Variants in CD300E observed in about 807,000 individuals in gnomAD.
CD300E encodes the protein CMRF35-like molecule 2.
A neutral mutation model predicts 20.9 loss-of-function variants in CD300E; 14 were observed. The ratio of observed to expected loss-of-function variants is 0.67; its 90% CI spans 0.44 to 1.05. The LOEUF (loss-of-function observed/expected upper bound fraction) is 1.05. CD300E is among the 50% of genes least tolerant of loss of function. The probability of loss-of-function intolerance (pLI) is 0.00; values close to 1 mark genes in which losing one functional copy is unlikely to be tolerated. For synonymous variants in CD300E, 102 were observed against 103.7 expected, an observed-to-expected ratio of 0.98 and a Z score of 0.10; for missense variants, 237 against 253.9, an observed-to-expected ratio of 0.93 and a Z score of 0.45.
At chr17:74,615,615 A>G (rs1340445009) in intron 2 of CD300E, among the ~76,000 whole-genome samples, 2 of 152,080 alleles carry the variant, frequency 1.3e-5, no homozygotes, top group East Asian at 3.9e-4. Context: ...AGACAGGGCG[A>G]CCAACTTTCC....
chr17:74,615,429 G>A (rs917376470), intron 2 of CD300E, among the ~76,000 whole-genome samples: 8 of 152,204 alleles, frequency 5.3e-5, no homozygotes, highest in African/African-American at 1.2e-4. Context: ...GGGGAAGAAT[G>A]AGTGTAGATT....
chr17:74,623,503 G>T, intron 1 of CD300E, 79 bp downstream of exon 1: 1 of 1,439,840 alleles, frequency 6.9e-7, no homozygotes, highest in Non-Finnish European at 9.6e-7. Context: ...TTCACCTCTG[G>T]TTTGAACCCA....
intron 1 of CD300E, among the ~76,000 whole-genome samples, chr17:74,622,128 A>C (rs2031036051): frequency 2.0e-5 from 3 of 151,472 alleles, no homozygotes; most frequent in South Asian, 4.2e-4. Flanking sequence ...TTGTATTTGA[A>C]TTTGCTTCCT....
chr17:74,620,135 G>A (rs1021185407), intron 1 of CD300E, among the ~76,000 whole-genome samples: 1 of 151,400 alleles, frequency 6.6e-6, no homozygotes, highest in Non-Finnish European at 1.5e-5. Context: ...TCAAGAGATC[G>A]AGACCTTCCT....
intron 1 of CD300E, chr17:74,619,088 G>T: frequency 2.1e-6 from 1 of 471,162 alleles, no homozygotes; most frequent in Non-Finnish European, 4.4e-6. Flanking sequence ...TTTGAGAGCT[G>T]GTCCTCACCT....
At position 74,610,800 on chromosome 17, in the gene CD300E, C is replaced by T. The variant is rs2030759871; in HGVS notation, c.*1853G>A. 1 of 152,252 alleles carries T rather than the reference C, an allele frequency of 6.6e-6. No homozygotes were observed. The highest frequency in any genetic ancestry group is 2.4e-5 in the African/African-American group (1 of 41,446). 9.4% of individuals were successfully genotyped at this position (152,252 alleles called of 1,614,324 possible). On this transcript the variant is annotated 3_prime_UTR_variant, in exon 4 of 4. Coordinates refer to ENST00000392619, the MANE Select transcript of CD300E (RefSeq NM_181449.3). ...CTTAGACACATCCTACCATGAGCATCTGTATGTGAACAGTACAGTCCATTT... is the reference window on the plus strand; with the variant it reads ...CTTAGACACATCCTACCATGAGCATTTGTATGTGAACAGTACAGTCCATTT...
chr17:74,617,340 T>C lies in CD300E; in HGVS notation c.166A>G (p.Thr56Ala). The stretch of plus-strand genomic sequence containing the variant: ...GTCTCCACAATGCTCTCACATGACG[T>C]GTCGTACTGTCCTCGGCACCAGTAC... ...NKYWCRGQYD[T>A]SCESIVETKG... Residue 56 changes from threonine to alanine, a missense_variant, in exon 2 of 4, where the codon ACG (threonine) becomes GCG (alanine). Thr to Ala is a moderately conservative substitution (Grantham distance 58). Transcript: ENST00000392619. 1 of 1,614,204 alleles carries C rather than the reference T, an allele frequency of 6.2e-7. No individual in the cohort carries two copies. Among genetic ancestry groups the C allele is most frequent in the Non-Finnish European group, 8.5e-7 (1 of 1,180,040 alleles).
In CD300E at chr17:74,611,105, T is replaced by G. The variant is rs923326781; in HGVS notation, c.*1548A>C. 9.9e-5 allele frequency: 15 copies of G among 152,246 alleles called. No homozygotes were observed. Among genetic ancestry groups the G allele is most frequent in the African/African-American group, 3.6e-4 (15 of 41,460 alleles). The allele number at this position is 152,246 out of a possible 1,614,324, so 9.4% of individuals were successfully genotyped here. On this transcript the variant is annotated 3_prime_UTR_variant, in exon 4 of 4. Transcript: ENST00000392619. ...GTAATGACTTGGGAGCTTATCCTTCTCATAAAATGAATCATAAGCTCCTTT... is the reference window on the plus strand; with the variant it reads ...GTAATGACTTGGGAGCTTATCCTTCGCATAAAATGAATCATAAGCTCCTTT...
At chr17:74,620,467 T>G (rs1291283513) in intron 1 of CD300E, among the ~76,000 whole-genome samples, 3 of 151,584 alleles carry the variant, frequency 2.0e-5, no homozygotes, top group Admixed American at 6.6e-5. Flanking sequence ...GAGACTCCAT[T>G]TAAAAATAAT....
chr17:74,613,970 G>A lies in CD300E; in HGVS notation c.452C>T (p.Pro151Leu). ...CTCCCCGGTGCTGAGGTTTCGCCCA[G>A]GGTTCACCACCAGGAAGATGGGAGG... ...ATPPIFLVVN[P>L]GRNLSTGEVL... is the part of the protein sequence containing the mutation. The change falls in exon 3 of 4, where the codon CCT becomes CTT. Residue 151 changes from proline to leucine, a missense_variant. Transcript: ENST00000392619. 1 of 1,614,068 alleles carries A rather than the reference G, an allele frequency of 6.2e-7. No homozygotes were observed. Among genetic ancestry groups the A allele is most frequent in the Non-Finnish European group, 8.5e-7 (1 of 1,179,968 alleles).
chr17:74,623,567 C>T lies in CD300E; in HGVS notation c.40+15G>A, dbSNP rs775173098. 1.9e-5 allele frequency: 31 copies of T among 1,613,872 alleles called. 1 individual carries two copies. The South Asian group carries it at 3.4e-4, about 18-fold the overall frequency. On this transcript the variant is annotated intron_variant, in intron 1 of 3. Transcript: ENST00000392619. ...CCCTGCAAAACCAAGTCCCCAAAGC[C>T]ACAGCCCCACTCACCTGAGAGGCAG...
At chr17:74,614,794 C>A (rs1182177897) in intron 2 of CD300E, among the ~76,000 whole-genome samples, 1 of 152,120 alleles carries the variant, frequency 6.6e-6, no homozygotes, top group Non-Finnish European at 1.5e-5. Context: ...TGTGGAAAGG[C>A]CACTGTAGGC....
chr17:74,620,231 G>A (rs999339803), intron 1 of CD300E, among the ~76,000 whole-genome samples: 1 of 152,216 alleles, frequency 6.6e-6, no homozygotes, highest in African/African-American at 2.4e-5. Flanking sequence ...CAGCACTTTG[G>A]GAGGCCGAGG....
At position 74,612,590 on chromosome 17, in the gene CD300E, T is replaced by C. The variant is rs552232236; in HGVS notation, c.*63A>G. The C allele has an allele frequency of 4.4e-6, 7 of 1,592,234 alleles. No individual in the cohort carries two copies. The highest frequency in any genetic ancestry group is 1.7e-5 in the Admixed American group (1 of 58,088). On this transcript the variant is annotated 3_prime_UTR_variant, in exon 4 of 4. Coordinates refer to ENST00000392619, the MANE Select transcript of CD300E (RefSeq NM_181449.3). Reference sequence around the variant, plus strand: ...GGTCTCTCGCATCCAGTCTGAAAGGTTGACTCCCTGCACGGGGCACTCCTG... The same window carrying C: ...GGTCTCTCGCATCCAGTCTGAAAGGCTGACTCCCTGCACGGGGCACTCCTG...
chr17:74,617,414 G>A lies in CD300E; in HGVS notation c.92C>T (p.Ser31Phe), dbSNP rs756064910. 18 of 1,613,900 alleles carry A rather than the reference G, an allele frequency of 1.1e-5. No homozygotes were observed. Among genetic ancestry groups the A allele is most frequent in the Non-Finnish European group, 1.3e-5 (15 of 1,180,030 alleles). The change falls in exon 2 of 4, where the codon TCT becomes TTT. Residue 31 changes from serine (S) to phenylalanine (F), a missense_variant. By Grantham distance (155) the Ser-to-Phe change is radical. Coordinates refer to ENST00000392619, the MANE Select transcript of CD300E (RefSeq NM_181449.3). Reference sequence around the variant, plus strand: ...CTCATACTGACACCACACTGTCAGAGAGTCCCCCGCAGTGCCAGTCACAGA... The same window carrying A: ...CTCATACTGACACCACACTGTCAGAAAGTCCCCCGCAGTGCCAGTCACAGA... Reference protein sequence around the residue: ...PGSVTGTAGDSLTVWCQYESM... With the variant: ...PGSVTGTAGDFLTVWCQYESM...
chr17:74,616,284 TAG>T (rs2030897314), intron 2 of CD300E, among the ~76,000 whole-genome samples: 2 of 151,776 alleles, frequency 1.3e-5, no homozygotes, highest in African/African-American at 4.8e-5. Context: ...TGTCAGAAAA[TAG>T]AATGTCTGAG....
At position 74,617,483 on chromosome 17, in the gene CD300E, G is replaced by A. The variant is rs368834249; in HGVS notation, c.41-18C>T. On this transcript the variant is annotated intron_variant, in intron 1 of 3. Transcript: ENST00000392619. ...CAAACAGCCTGGAAAACACAAGCCC[G>A]AGTCCCAAGTCTCCATCCAGATGGC... is the stretch of plus-strand genomic sequence containing the variant. 6.6e-5 allele frequency: 105 copies of A among 1,596,082 alleles called. No homozygotes were observed. Among genetic ancestry groups the A allele is most frequent in the Non-Finnish European group, 8.3e-5 (97 of 1,171,388 alleles).
Position 74,617,442 on chromosome 17 carries a change from CG to C in CD300E, c.63del (p.Gly22AlafsTer3). ...TCCCCCGCAGTGCCAGTCACAGAGCCGGGGCCCTTCAGAGACAAACAGCCTG... is the reference window on the plus strand; with the variant it reads ...TCCCCCGCAGTGCCAGTCACAGAGCCGGGCCCTTCAGAGACAAACAGCCTG... Reference protein sequence around the residue: ...CLSGCLSLKGPGSVTGTAGDS... With the variant: ...CLSGCLSLKGXGSVTGTAGDS... On this transcript the variant is annotated frameshift_variant, in exon 2 of 4. Coordinates refer to ENST00000392619, the MANE Select transcript of CD300E (RefSeq NM_181449.3). LOFTEE classifies it high-confidence loss of function. 6.2e-7 allele frequency: 1 copy of C among 1,613,392 alleles called. No homozygotes were observed.
intron 1 of CD300E, among the ~76,000 whole-genome samples, chr17:74,621,441 G>T (rs1466148908): frequency 6.6e-6 from 1 of 152,170 alleles, no homozygotes; most frequent in Non-Finnish European, 1.5e-5. Flanking sequence ...GAAAAAGAAG[G>T]TTATGCTAAT....
Sources: gnomAD v4.1 joint callset for allele counts (sites outside exome capture counted in the v4.1 genomes callset) on GRCh38, gnomAD v4.1.1 for gene constraint, MANE v1.5 for transcripts, NCBI Gene and HGNC (gene_info 2026-07-23, HGNC 2026-07-21) for gene names.